The following MR1 variants were observed in gnomAD, a reference collection of about 807,000 sequenced individuals.
The protein encoded by MR1 is major histocompatibility complex, class I-related.
In MR1, 44 loss-of-function variants were observed where a neutral mutation model predicts 37.8. The ratio of observed to expected loss-of-function variants is 1.16; its 90% CI spans 0.91 to 1.50. MR1 has a LOEUF of 1.50. Among genes scored for constraint, MR1 ranks in the 40% most tolerant of loss-of-function variants. The pLI is 0.00. For synonymous variants in MR1, 153 were observed against 155.8 expected, an observed-to-expected ratio of 0.98 and a Z score of 0.13; for missense variants, 386 against 419.1, an observed-to-expected ratio of 0.92 and a Z score of 0.69.
intron 1 of MR1, among the ~76,000 whole-genome samples, chr1:181,046,430 A>G (rs937073091): frequency 6.6e-6 from 1 of 152,160 alleles, no homozygotes; most frequent in African/African-American, 2.4e-5. Flanking sequence ...TGACTGCACC[A>G]ATCGACACTC....
At chr1:181,048,949 G>A in intron 1 of MR1, 103 bp from the exon 2 acceptor site, 10 of 1,447,966 alleles carry the variant, frequency 6.9e-6, no homozygotes, top group Non-Finnish European at 9.4e-6. Context: ...GGAGGCCTGG[G>A]TACAGCTGAG....
rs1283222721 is a variant in MR1 at position 181,056,837 on chromosome 1, A to T, written c.*1572A>T. The T allele has an allele frequency of 6.6e-6, 1 of 152,290 alleles. No homozygotes were observed. Among genetic ancestry groups the T allele is most frequent in the Non-Finnish European group, 1.5e-5 (1 of 68,196 alleles). 9.4% of individuals were successfully genotyped at this position (152,290 alleles called of 1,614,324 possible). A position where few individuals can be genotyped will look rare whatever the true frequency, so the allele number is the denominator to read the frequency against. Reference sequence around the variant, plus strand: ...TACAGCCTCAGATAAAGGTACCTTCAGCCCGGGCACAGTGGCTCACGCCTG... The same window carrying T: ...TACAGCCTCAGATAAAGGTACCTTCTGCCCGGGCACAGTGGCTCACGCCTG... On this transcript the variant is annotated 3_prime_UTR_variant, in exon 6 of 6. Transcript: ENST00000367580.
chr1:181,047,009 G>T (rs900516498), intron 1 of MR1, among the ~76,000 whole-genome samples: 1 of 152,058 alleles, frequency 6.6e-6, no homozygotes, highest in African/African-American at 2.4e-5. Context: ...AACACTCACC[G>T]CGAGGGTCCA....
At chr1:181,050,686 T>C (rs1476671566) in intron 3 of MR1, 1 of 263,842 alleles carries the variant, frequency 3.8e-6, no homozygotes, top group Non-Finnish European at 7.4e-6. Flanking sequence ...ACAGAAGGTC[T>C]CTGCTTTACT....
rs987648589 is a variant in MR1, at chr1:181,059,420, C to T, written c.*4155C>T. 1.3e-5 allele frequency: 2 copies of T among 152,180 alleles called. No individual in the cohort carries two copies. Among genetic ancestry groups the T allele is most frequent in the Non-Finnish European group, 2.9e-5 (2 of 68,040 alleles). 9.4% of individuals were successfully genotyped at this position (152,180 alleles called of 1,614,324 possible). A position where few individuals can be genotyped will look rare whatever the true frequency, so the allele number is the denominator to read the frequency against. On this transcript the variant is annotated 3_prime_UTR_variant, in exon 6 of 6. Coordinates refer to ENST00000367580, the MANE Select transcript of MR1 (RefSeq NM_001385161.1). ...CAAAACCTATTGGTTTAAAACAATA[C>T]CCATTTTATTTTCTTTCATAGTTTC...
At chr1:181,048,602 A>C (rs1385256465) in intron 1 of MR1, among the ~76,000 whole-genome samples, 2 of 152,126 alleles carry the variant, frequency 1.3e-5, no homozygotes, top group African/African-American at 2.4e-5. Context: ...GTGCACACAC[A>C]GAGGTGGAGT....
At chr1:181,041,076 T>A (rs546604801) in intron 1 of MR1, among the ~76,000 whole-genome samples, 1 of 130,958 alleles carries the variant, frequency 7.6e-6, no homozygotes, top group South Asian at 2.4e-4. Context: ...AGTGAGACTC[T>A]GTCTCAATAA....
At chr1:181,048,961 A>G (rs927040955) in intron 1 of MR1, 91 bp from the exon 2 acceptor site, 16 of 1,499,174 alleles carry the variant, frequency 1.1e-5, no homozygotes, top group South Asian at 5.1e-5. Context: ...ACAGCTGAGT[A>G]GGGAGCACTC....
intron 1 of MR1, among the ~76,000 whole-genome samples, chr1:181,039,603 C>T (rs750739278): frequency 7.2e-5 from 11 of 152,142 alleles, no homozygotes; most frequent in Middle Eastern, 3.2e-3. Context: ...CGGTGGCTCA[C>T]GCCTGTAATC....
At chr1:181,050,433 A>T in intron 3 of MR1, 147 bp downstream of exon 3, 1 of 1,015,352 alleles carries the variant, frequency 9.8e-7, no homozygotes, top group Non-Finnish European at 1.4e-6. Context: ...GCCCCCACGA[A>T]AACTTTCCCT....
chr1:181,049,591 C>A, intron 2 of MR1: 1 of 532,486 alleles, frequency 1.9e-6, no homozygotes, highest in Non-Finnish European at 3.3e-6. Flanking sequence ...TGATATGCAT[C>A]TCCTTTTCCA....
In MR1 at chr1:181,059,173, T is replaced by C. The variant is rs1166400472; in HGVS notation, c.*3908T>C. On this transcript the variant is annotated 3_prime_UTR_variant, in exon 6 of 6. Transcript: ENST00000367580. Reference sequence around the variant, plus strand: ...CTGCATTGCCCTTTTCATCTTTTTTTTTTCCCCAATAGCTTCAGGACATTC... The same window carrying C: ...CTGCATTGCCCTTTTCATCTTTTTTCTTTCCCCAATAGCTTCAGGACATTC... 2 of 152,226 alleles carry C rather than the reference T, an allele frequency of 1.3e-5. No homozygotes were observed. The highest frequency in any genetic ancestry group is 4.8e-5 in the African/African-American group (2 of 41,444). The allele number at this position is 152,226 out of a possible 1,614,324, so 9.4% of individuals were successfully genotyped here.
chr1:181,054,698 T>TA (rs11400602), intron 5 of MR1, among the ~76,000 whole-genome samples: 58,941 of 145,958 alleles, frequency 0.4, 13,322 homozygotes, highest in East Asian at 0.73. Flanking sequence ...CTGAAAATAT[T>TA]AAAAAAAAAA....
At chr1:181,054,960 T>G (rs370192658) in intron 5 of MR1, among the ~76,000 whole-genome samples, 2 of 152,214 alleles carry the variant, frequency 1.3e-5, no homozygotes, top group African/African-American at 4.8e-5. Context: ...CTAATCCTAA[T>G]CCAATAAATG....
chr1:181,048,232 A>G (rs1658026548), intron 1 of MR1, among the ~76,000 whole-genome samples: 1 of 131,478 alleles, frequency 7.6e-6, no homozygotes, highest in African/African-American at 2.9e-5. Context: ...AATAAATAAA[A>G]TAAAATAAAT....
intron 5 of MR1, among the ~76,000 whole-genome samples, chr1:181,054,776 G>C (rs945992309): frequency 1.3e-5 from 2 of 152,018 alleles, no homozygotes; most frequent in South Asian, 2.1e-4. Flanking sequence ...CAGGAGAATC[G>C]CTTGAACCTG....
At chr1:181,035,500 G>C (rs1657226339) in intron 1 of MR1, among the ~76,000 whole-genome samples, 1 of 152,066 alleles carries the variant, frequency 6.6e-6, no homozygotes, top group Non-Finnish European at 1.5e-5. Flanking sequence ...TTGGGGGTGA[G>C]GGTAAGAGGC....
rs3897434 is a variant in MR1, at chr1:181,049,214, C to T, written c.230C>T (p.Ala77Val). Residue 77 changes from alanine to valine, a missense_variant, in exon 2 of 6, where the codon GCG becomes GTG. Coordinates refer to ENST00000367580, the MANE Select transcript of MR1 (RefSeq NM_001385161.1). ...PRAPWMAENL[A>V]PDHWERYTQL... ...GCCCCATGGATGGCAGAGAACCTCG[C>T]GCCTGATCACTGGGAGAGGTACACT... is the stretch of plus-strand genomic sequence containing the variant. 216 of 1,614,202 alleles carry T rather than the reference C, an allele frequency of 1.3e-4. No individual in the cohort carries two copies. Among genetic ancestry groups the T allele is most frequent in the East Asian group, 2.9e-4 (13 of 44,890 alleles).
Position 181,052,230 on chromosome 1 carries a change from C to T in MR1, c.605-5C>T. 6.2e-7 allele frequency: 1 copy of T among 1,612,472 alleles called. No homozygotes were observed. The highest frequency in any genetic ancestry group is 8.5e-7 in the Non-Finnish European group (1 of 1,178,886). ...TTTGATTTAACTTTAGCTTCTTCTT[C>T]CTAGAGCCCCCACTGGTCAGAGTAA... On this transcript the variant is annotated splice_region_variant and splice_polypyrimidine_tract_variant and intron_variant, in intron 3 of 5. Transcript: ENST00000367580.
Sources: gnomAD v4.1 joint callset for allele counts (sites outside exome capture counted in the v4.1 genomes callset) on GRCh38, gnomAD v4.1.1 for gene constraint, MANE v1.5 for transcripts, NCBI Gene and HGNC (gene_info 2026-07-23, HGNC 2026-07-21) for gene names.